MAP7: variants seen among roughly 807,000 people sequenced by gnomAD.
The protein encoded by MAP7 is ensconsin.
Under a neutral mutation model 94.8 loss-of-function variants are expected in MAP7, and 52 were observed. That is an observed-to-expected ratio of 0.55 (90% CI 0.44 to 0.69). MAP7 has a LOEUF of 0.69. Ranked by LOEUF, MAP7 falls within the 30% of genes least tolerant of loss-of-function variation. MAP7 has a pLI of 0.00. For synonymous variants in MAP7, 350 were observed against 357.0 expected (o/e 0.98, Z 0.22); for missense variants, 940 against 964.6 (o/e 0.97, Z 0.34).
chr6:136,439,520 T>C (rs7763427), intron 1 of MAP7, among the ~76,000 whole-genome samples: 112,996 of 152,090 alleles, frequency 0.74, 43,186 homozygotes, highest in Middle Eastern at 0.85. Context: ...AATGTGTGCA[T>C]GATGTATAAA....
At chr6:136,372,397 G>T in intron 8 of MAP7, 104 bp downstream of exon 8, 1 of 1,334,052 alleles carries the variant, frequency 7.5e-7, no homozygotes, top group Non-Finnish European at 1.0e-6. Flanking sequence ...GGATGTCACG[G>T]TCTCCCCCTC....
chr6:136,391,555 A>AAAACAACAACAACAACAAC (rs1554241525), intron 3 of MAP7, among the ~76,000 whole-genome samples: 2 of 149,642 alleles, frequency 1.3e-5, no homozygotes, highest in African/African-American at 4.9e-5. Flanking sequence ...GTATAATAAA[A>AAAACAACAACAACAACAAC]AACAACAACA....
At chr6:136,372,467 C>T in intron 8 of MAP7, 34 bp downstream of exon 8, 1 of 1,612,578 alleles carries the variant, frequency 6.2e-7, no homozygotes, top group Non-Finnish European at 8.5e-7. Context: ...CACTGGCTCC[C>T]AGACTTGCCC....
rs1778416814 is a variant in MAP7, at chr6:136,383,711, G to C, written c.597C>G (p.Leu199=). The change falls in exon 6 of 18, where the codon CTC becomes CTG. Residue 199 remains leucine (L), a synonymous_variant. Transcript: ENST00000354570. ...TTAGTAAAGTTGCAGATGAAGAGGA[G>C]AGCCGCTTGCTAATGACGGGATCAA... ...KYVDPVISKR[L]SSSSATLLNS... 6.2e-7 allele frequency: 1 copy of C among 1,610,872 alleles called. No homozygotes were observed. The highest frequency in any genetic ancestry group is 8.5e-7 in the Non-Finnish European group (1 of 1,178,290).
At chr6:136,445,858 A>G (rs1799170361) in intron 1 of MAP7, among the ~76,000 whole-genome samples, 1 of 152,258 alleles carries the variant, frequency 6.6e-6, no homozygotes, top group South Asian at 2.1e-4. Flanking sequence ...GTATAAAGAT[A>G]TAACAAAAAC....
At chr6:136,461,706 T>C (rs950953219) in intron 1 of MAP7, among the ~76,000 whole-genome samples, 1 of 152,202 alleles carries the variant, frequency 6.6e-6, no homozygotes, top group African/African-American at 2.4e-5. Flanking sequence ...AGAATACTGA[T>C]GCCTTTAAGG....
intron 3 of MAP7, among the ~76,000 whole-genome samples, chr6:136,398,413 C>A (rs576703530): frequency 6.6e-6 from 1 of 152,322 alleles, no homozygotes; most frequent in East Asian, 1.9e-4. Context: ...ACAGCCTTTA[C>A]GATAATCAAT....
At chr6:136,539,558 T>C (rs78397702) in intron 1 of MAP7, among the ~76,000 whole-genome samples, 1 of 152,162 alleles carries the variant, frequency 6.6e-6, no homozygotes, top group Non-Finnish European at 1.5e-5. Flanking sequence ...TAGTTAGACA[T>C]ATGCTAGCTG....
chr6:136,521,479 A>C (rs534282752), intron 1 of MAP7, among the ~76,000 whole-genome samples: 5 of 152,320 alleles, frequency 3.3e-5, no homozygotes, highest in Admixed American at 3.3e-4. Flanking sequence ...ATTTAGAGTC[A>C]AGTCTCATGA....
chr6:136,379,026 A>G (rs574236692), intron 6 of MAP7, among the ~76,000 whole-genome samples: 19 of 152,292 alleles, frequency 1.2e-4, no homozygotes, highest in African/African-American at 4.6e-4. Context: ...TGACTGGATT[A>G]AAAGTCTTTA....
intron 1 of MAP7, among the ~76,000 whole-genome samples, chr6:136,522,236 T>C (rs766553257): frequency 3.9e-5 from 6 of 152,150 alleles, no homozygotes; most frequent in African/African-American, 7.2e-5. Context: ...TATAAGAGCA[T>C]CAGCATAAGC....
chr6:136,412,913 C>T (rs915239439), intron 2 of MAP7, among the ~76,000 whole-genome samples: 1 of 152,178 alleles, frequency 6.6e-6, no homozygotes, highest in South Asian at 2.1e-4. Context: ...GTAATCCTAG[C>T]ACTTTGGGAG....
chr6:136,442,990 A>G (rs535641573), intron 1 of MAP7, among the ~76,000 whole-genome samples: 2 of 152,338 alleles, frequency 1.3e-5, no homozygotes, highest in East Asian at 3.9e-4. Flanking sequence ...CATACTAAGG[A>G]TAAGTATATT....
At chr6:136,374,496 A>C (rs1387361236) in intron 7 of MAP7, among the ~76,000 whole-genome samples, 1 of 152,236 alleles carries the variant, frequency 6.6e-6, no homozygotes, top group Non-Finnish European at 1.5e-5. Context: ...CTCAAGGATC[A>C]AGAAACCCTA....
intron 1 of MAP7, among the ~76,000 whole-genome samples, chr6:136,472,424 G>GGCTAA (rs1809341607): frequency 6.6e-6 from 1 of 151,994 alleles, no homozygotes. Flanking sequence ...CAGAATATGG[G>GGCTAA]GCTAAAATAC....
intron 3 of MAP7, among the ~76,000 whole-genome samples, chr6:136,403,062 T>A (rs546820967): frequency 6.6e-6 from 1 of 152,310 alleles, no homozygotes; most frequent in East Asian, 1.9e-4. Flanking sequence ...AATCTTTCTG[T>A]TACAGCCTTA....
chr6:136,365,895 A>T lies in MAP7; in HGVS notation c.1113T>A (p.Pro371=). The T allele has an allele frequency of 6.2e-7, 1 of 1,614,086 alleles. No individual in the cohort carries two copies. The highest frequency in any genetic ancestry group is 2.2e-5 in the East Asian group (1 of 44,858). ...GCTCCACTTTGACTTCCCTCTTGAC[A>T]GGGCGGATGTTGCCGGGGGATGGGG... The part of the protein sequence containing the change: ...VRPPSPGNIR[P]VKREVKVEPE... The change falls in exon 10 of 18, where the codon CCT becomes CCA. Residue 371 remains proline, a synonymous_variant. Coordinates refer to ENST00000354570, the MANE Select transcript of MAP7 (RefSeq NM_003980.6).
At chr6:136,506,358 T>C (rs1821514467) in intron 1 of MAP7, among the ~76,000 whole-genome samples, 1 of 152,072 alleles carries the variant, frequency 6.6e-6, no homozygotes, top group Non-Finnish European at 1.5e-5. Context: ...CTGGAACTAA[T>C]AATACTTTAC....
chr6:136,376,129 C>T (rs779127684), intron 7 of MAP7, among the ~76,000 whole-genome samples: 11 of 151,824 alleles, frequency 7.2e-5, no homozygotes, highest in Non-Finnish European at 1.6e-4. Context: ...GACGGAGTCT[C>T]GCTCTATCCC....
Sources: allele counts gnomAD v4.1 joint callset (sites outside exome capture counted in the v4.1 genomes callset), GRCh38; gene constraint gnomAD v4.1.1; transcripts MANE v1.5; gene names NCBI Gene and HGNC (gene_info 2026-07-23, HGNC 2026-07-21).